The following ZFHX4 variants were observed in gnomAD, a reference collection of about 807,000 sequenced individuals.
The protein encoded by ZFHX4 is zinc finger homeobox 4.
ZFHX4 carries 56 observed loss-of-function variants against 267.6 expected under a neutral mutation model. The ratio of observed to expected loss-of-function variants is 0.21; its 90% CI spans 0.17 to 0.26. ZFHX4 has a LOEUF of 0.26. Ranked by LOEUF, ZFHX4 falls within the 10% of genes least tolerant of loss-of-function variation. ZFHX4 has a pLI of 1.00. For synonymous variants in ZFHX4, 1,778 were observed against 1,665.6 expected (o/e 1.07, Z -1.64); for missense variants, 4,332 against 4,420.0 (o/e 0.98, Z 0.56).
intron 1 of ZFHX4, among the ~76,000 whole-genome samples, chr8:76,690,448 G>T (rs1807794639): frequency 6.6e-6 from 1 of 151,964 alleles, no homozygotes; most frequent in East Asian, 1.9e-4. Flanking sequence ...AAGTTTGTCT[G>T]CTTGGAAGAA....
chr8:76,840,359 CAG>C (rs1812203964), intron 5 of ZFHX4, among the ~76,000 whole-genome samples: 1 of 152,160 alleles, frequency 6.6e-6, no homozygotes, highest in Non-Finnish European at 1.5e-5. Flanking sequence ...GCTGCTGACA[CAG>C]AGTCTTTGTT....
chr8:76,803,561 G>T (rs974149328), intron 4 of ZFHX4, among the ~76,000 whole-genome samples: 3 of 152,062 alleles, frequency 2.0e-5, no homozygotes, highest in Admixed American at 6.6e-5. Context: ...TGTAGTCAAT[G>T]TTATCAAAAT....
At chr8:76,823,793 T>C (rs1585981758) in intron 4 of ZFHX4, among the ~76,000 whole-genome samples, 1 of 152,228 alleles carries the variant, frequency 6.6e-6, no homozygotes, top group East Asian at 1.9e-4. Flanking sequence ...TTTTCTTTTA[T>C]GGTCATATAT....
intron 1 of ZFHX4, among the ~76,000 whole-genome samples, chr8:76,698,054 T>A (rs1398416891): frequency 1.3e-5 from 2 of 152,112 alleles, no homozygotes; most frequent in Admixed American, 1.3e-4. Flanking sequence ...CTACAAAGCC[T>A]TAATGTCAGC....
chr8:76,793,896 G>C (rs1810904116), intron 4 of ZFHX4, among the ~76,000 whole-genome samples: 1 of 152,062 alleles, frequency 6.6e-6, no homozygotes, highest in Admixed American at 6.6e-5. Flanking sequence ...ACGTAAGACT[G>C]GTTTGAGTAG....
chr8:76,852,311 A>G lies in ZFHX4; in HGVS notation c.5390A>G (p.Gln1797Arg). Residue 1797 changes from glutamine to arginine, a missense_variant, in exon 10 of 11, where the codon CAG (glutamine) becomes CGG (arginine). Physicochemically the swap from Gln to Arg is conservative, Grantham distance 43. This residue lies in a region of ZFHX4 where 1,371 missense variants were observed against 1,423.1 expected (regional missense o/e 0.96). Coordinates refer to ENST00000651372, the MANE Select transcript of ZFHX4 (RefSeq NM_024721.5). Reference sequence around the variant, plus strand: ...GGTCAAACTCAACTCCAGATACTACAGCAACAAGCACAACAATACCAAGCC... The same window carrying G: ...GGTCAAACTCAACTCCAGATACTACGGCAACAAGCACAACAATACCAAGCC... ...HVGQTQLQIL[Q>R]QQAQQYQATQ... 1 of 1,556,792 alleles carries G rather than the reference A, an allele frequency of 6.4e-7. No homozygotes were observed. The highest frequency in any genetic ancestry group is 8.7e-7 in the Non-Finnish European group (1 of 1,149,568).
At chr8:76,769,560 C>T (rs1810205394) in intron 3 of ZFHX4, among the ~76,000 whole-genome samples, 1 of 152,072 alleles carries the variant, frequency 6.6e-6, no homozygotes, top group African/African-American at 2.4e-5. Flanking sequence ...CATATTAGCC[C>T]AGGCTGGTCT....
chr8:76,787,416 G>C (rs186453436), intron 4 of ZFHX4, among the ~76,000 whole-genome samples: 1 of 152,030 alleles, frequency 6.6e-6, no homozygotes, highest in African/African-American at 2.4e-5. Context: ...GGAAGCAAAG[G>C]CTCTGAGTTT....
intron 3 of ZFHX4, among the ~76,000 whole-genome samples, chr8:76,718,031 T>C (rs548707204): frequency 2.6e-4 from 39 of 152,374 alleles, no homozygotes; most frequent in African/African-American, 8.7e-4. Context: ...TGTTCAATTG[T>C]GAAAAATCAG....
At position 76,778,371 on chromosome 8, in the gene ZFHX4, G is replaced by C. The variant is rs377109537; in HGVS notation, c.3257G>C (p.Gly1086Ala). ...GLRKLQLHQQ[G>A]LAPEEDNLSE... ...CGGAAGCTCCAGCTCCACCAGCAAG[G>C]CCTGGCACCAGAGGAGGACAACCTC... Residue 1086 changes from glycine to alanine, a missense_variant, in exon 4 of 11, where the codon GGC becomes GCC. Gly to Ala is a moderately conservative substitution (Grantham distance 60). This residue lies in a region of ZFHX4 where 1,371 missense variants were observed against 1,423.1 expected (regional missense o/e 0.96). Coordinates refer to ENST00000651372, the MANE Select transcript of ZFHX4 (RefSeq NM_024721.5). The C allele has an allele frequency of 1.2e-5, 19 of 1,613,724 alleles. No individual in the cohort carries two copies. Among genetic ancestry groups the C allele is most frequent in the Non-Finnish European group, 1.6e-5 (19 of 1,179,832 alleles).
At chr8:76,822,261 T>G (rs781538284) in intron 4 of ZFHX4, among the ~76,000 whole-genome samples, 6 of 152,162 alleles carry the variant, frequency 3.9e-5, no homozygotes, top group Non-Finnish European at 8.8e-5. Context: ...TGGCAAGTCC[T>G]ATCTACTGCT....
chr8:76,850,776 A>G, intron 9 of ZFHX4, 110 bp from the exon 10 acceptor site: 1 of 1,280,596 alleles, frequency 7.8e-7, no homozygotes, highest in South Asian at 1.9e-5. Flanking sequence ...CATTTATTCA[A>G]ACAATTAATT....
chr8:76,689,874 T>C (rs1359533363), intron 1 of ZFHX4, among the ~76,000 whole-genome samples: 4 of 152,128 alleles, frequency 2.6e-5, no homozygotes, highest in Non-Finnish European at 5.9e-5. Context: ...AGCTTATCTC[T>C]AATATAATTA....
chr8:76,842,788 T>G lies in ZFHX4; in HGVS notation c.3511+17T>G. 1 of 1,529,920 alleles carries G rather than the reference T, an allele frequency of 6.5e-7. No homozygotes were observed. Among genetic ancestry groups the G allele is most frequent in the Non-Finnish European group, 8.9e-7 (1 of 1,128,374 alleles). 94.8% of individuals were successfully genotyped at this position (1,529,920 alleles called of 1,614,324 possible). ...AAGACTCTGGTAAGATGCAAGAATC[T>G]TTCACCTCGGCATTTCCCTATACCC... On this transcript the variant is annotated intron_variant, in intron 6 of 10. Coordinates refer to ENST00000651372, the MANE Select transcript of ZFHX4 (RefSeq NM_024721.5).
At chr8:76,710,873 C>T (rs1012996742) in intron 3 of ZFHX4, among the ~76,000 whole-genome samples, 1 of 152,134 alleles carries the variant, frequency 6.6e-6, no homozygotes. Context: ...GAAGCATCAT[C>T]TGCCTGGCTG....
intron 3 of ZFHX4, among the ~76,000 whole-genome samples, chr8:76,771,016 G>A (rs916972900): frequency 5.9e-5 from 9 of 152,158 alleles, no homozygotes; most frequent in Non-Finnish European, 1.0e-4. Context: ...GGTGATGGTT[G>A]TTAAACTGGA....
At chr8:76,796,512 A>G (rs1810983327) in intron 4 of ZFHX4, among the ~76,000 whole-genome samples, 1 of 152,300 alleles carries the variant, frequency 6.6e-6, no homozygotes, top group Admixed American at 6.5e-5. Flanking sequence ...ATGTATGCCA[A>G]GATTCATCTT....
chr8:76,835,009 T>A (rs931739123), intron 5 of ZFHX4, among the ~76,000 whole-genome samples: 5 of 151,214 alleles, frequency 3.3e-5, no homozygotes, highest in Non-Finnish European at 7.4e-5. Flanking sequence ...AAACTTCTGC[T>A]AATAATTTTT....
chr8:76,738,242 G>T (rs1471239184), intron 3 of ZFHX4, among the ~76,000 whole-genome samples: 1 of 152,146 alleles, frequency 6.6e-6, no homozygotes, highest in Admixed American at 6.6e-5. Context: ...CCCCCATTAA[G>T]ATCCTGAGGC....
Sources: allele counts gnomAD v4.1 joint callset (sites outside exome capture counted in the v4.1 genomes callset), GRCh38; gene constraint gnomAD v4.1.1; regional missense constraint gnomAD v4.1.1; transcripts MANE v1.5; gene names NCBI Gene and HGNC (gene_info 2026-07-23, HGNC 2026-07-21).